Variants in SGCZ observed in about 807,000 individuals in gnomAD.
The protein encoded by SGCZ is sarcoglycan zeta.
SGCZ carries 40 observed loss-of-function variants against 41.3 expected under a neutral mutation model. The ratio of observed to expected loss-of-function variants is 0.97; its 90% CI spans 0.75 to 1.26. The LOEUF is 1.26. Ranked by LOEUF, SGCZ falls within the 50% of genes most tolerant of loss-of-function variation. SGCZ has a pLI of 0.00. For missense variants in SGCZ, 552 were observed against 369.8 expected (o/e 1.49, Z -4.04); for synonymous variants, 206 against 137.5 (o/e 1.50, Z -3.49).
At chr8:14,606,815 T>A (rs373901972) in intron 1 of SGCZ, among the ~76,000 whole-genome samples, 3 of 152,196 alleles carry the variant, frequency 2.0e-5, no homozygotes, top group Non-Finnish European at 4.4e-5. Context: ...TTGTTGCTGT[T>A]ATTGCTATCT....
chr8:14,141,768 A>G (rs892328142), intron 5 of SGCZ, among the ~76,000 whole-genome samples: 11 of 152,202 alleles, frequency 7.2e-5, no homozygotes, highest in African/African-American at 2.4e-4. Flanking sequence ...CAATTCCTCA[A>G]GGATCTAGAA....
intron 2 of SGCZ, among the ~76,000 whole-genome samples, chr8:14,514,282 T>C (rs992570986): frequency 3.3e-5 from 5 of 152,018 alleles, no homozygotes; most frequent in African/African-American, 7.2e-5. Context: ...GAGAGGTAAA[T>C]TGGTGCAGTA....
intron 1 of SGCZ, among the ~76,000 whole-genome samples, chr8:14,661,284 G>C (rs1807739410): frequency 6.6e-6 from 1 of 152,128 alleles, no homozygotes; most frequent in Non-Finnish European, 1.5e-5. Context: ...AAGCAAGAAT[G>C]CATGTTTCCA....
intron 3 of SGCZ, among the ~76,000 whole-genome samples, chr8:14,282,700 C>T (rs1800487331): frequency 6.6e-6 from 1 of 152,116 alleles, no homozygotes; most frequent in Admixed American, 6.6e-5. Context: ...TTCACTTCCT[C>T]AAATGTTCCT....
At chr8:14,273,319 A>G (rs7007503) in intron 3 of SGCZ, among the ~76,000 whole-genome samples, 40,962 of 152,028 alleles carry the variant, frequency 0.27, 5,894 homozygotes, top group South Asian at 0.45. Context: ...ATGACCTAAT[A>G]TTTCCTTCCT....
chr8:14,299,205 A>T (rs1169727627), intron 3 of SGCZ, among the ~76,000 whole-genome samples: 1 of 152,040 alleles, frequency 6.6e-6, no homozygotes, highest in Non-Finnish European at 1.5e-5. Flanking sequence ...CATAAAAGAT[A>T]CAGCTATAAA....
At chr8:14,135,753 A>G (rs371792316) in intron 5 of SGCZ, among the ~76,000 whole-genome samples, 17 of 152,210 alleles carry the variant, frequency 1.1e-4, no homozygotes, top group East Asian at 5.8e-4. Flanking sequence ...AATTTTACAT[A>G]TCTTCCAAAA....
intron 1 of SGCZ, among the ~76,000 whole-genome samples, chr8:14,622,177 T>C (rs755520060): frequency 1.3e-5 from 2 of 152,130 alleles, no homozygotes; most frequent in Non-Finnish European, 2.9e-5. Flanking sequence ...CATTGATTAA[T>C]TGATGAATTT....
chr8:15,029,320 G>C (rs1803572544), intron 1 of SGCZ, among the ~76,000 whole-genome samples: 1 of 152,044 alleles, frequency 6.6e-6, no homozygotes, highest in Admixed American at 6.6e-5. Context: ...CCATATGCCT[G>C]TAGGTGCATG....
At chr8:14,260,282 C>T (rs906241306) in intron 3 of SGCZ, among the ~76,000 whole-genome samples, 22 of 151,682 alleles carry the variant, frequency 1.5e-4, no homozygotes, top group Middle Eastern at 3.4e-3. Context: ...AAAAAGCGGG[C>T]GAAGGACATG....
chr8:14,332,482 A>T (rs1265140610), intron 2 of SGCZ: 1 of 152,062 alleles, frequency 6.6e-6, no homozygotes, highest in Non-Finnish European at 1.5e-5. Flanking sequence ...AAAATATGTT[A>T]ATTTGACAAA....
intron 2 of SGCZ, among the ~76,000 whole-genome samples, chr8:14,381,766 A>T (rs1804374382): frequency 6.6e-6 from 1 of 152,068 alleles, no homozygotes; most frequent in African/African-American, 2.4e-5. Flanking sequence ...AGCCTGGGGA[A>T]AAAAGCAAGA....
At chr8:14,239,896 C>T (rs1273331552) in intron 3 of SGCZ, among the ~76,000 whole-genome samples, 2 of 51,868 alleles carry the variant, frequency 3.9e-5, no homozygotes, top group Non-Finnish European at 5.9e-5. Context: ...AGCGAGACTC[C>T]GTCTCAAAAA....
chr8:15,162,803 T>G (rs1799547976), intron 1 of SGCZ, among the ~76,000 whole-genome samples: 2 of 152,206 alleles, frequency 1.3e-5, no homozygotes, highest in African/African-American at 4.8e-5. Context: ...GTTCTAATAC[T>G]TTATAGAGAG....
At chr8:14,426,011 C>T (rs1026364463) in intron 2 of SGCZ, among the ~76,000 whole-genome samples, 6 of 152,130 alleles carry the variant, frequency 3.9e-5, no homozygotes, top group African/African-American at 1.4e-4. Flanking sequence ...CATTAATTAA[C>T]ATTAATTGCA....
At chr8:14,406,788 T>A (rs1799222541) in intron 2 of SGCZ, among the ~76,000 whole-genome samples, 1 of 152,134 alleles carries the variant, frequency 6.6e-6, no homozygotes, top group African/African-American at 2.4e-5. Context: ...ACCCTTTAAT[T>A]TGAAAATAAT....
intron 4 of SGCZ, among the ~76,000 whole-genome samples, chr8:14,205,973 A>G (rs1805601388): frequency 6.6e-6 from 1 of 152,148 alleles, no homozygotes; most frequent in African/African-American, 2.4e-5. Context: ...AAAGTTGACC[A>G]GATTTAACTA....
chr8:14,478,953 C>T (rs536564021), intron 2 of SGCZ, among the ~76,000 whole-genome samples: 1 of 152,308 alleles, frequency 6.6e-6, no homozygotes, highest in South Asian at 2.1e-4. Context: ...CGTTTTCATA[C>T]GGATAAACTG....
intron 1 of SGCZ, among the ~76,000 whole-genome samples, chr8:14,606,057 T>C (rs528349738): frequency 3.3e-5 from 5 of 152,278 alleles, no homozygotes; most frequent in African/African-American, 9.6e-5. Flanking sequence ...GTCTTGCCGA[T>C]TACACCTTTA....
Sources: allele counts gnomAD v4.1 joint callset (sites outside exome capture counted in the v4.1 genomes callset), GRCh38; gene constraint gnomAD v4.1.1; transcripts MANE v1.5; gene names NCBI Gene and HGNC (gene_info 2026-07-23, HGNC 2026-07-21).